Variants in WASHC4 observed in about 807,000 individuals in gnomAD.
WASHC4 encodes WASH complex subunit 7.
In WASHC4, 86 loss-of-function variants were observed where a neutral mutation model predicts 166.6. That is an observed-to-expected ratio of 0.52 (90% CI 0.43 to 0.62). The LOEUF (loss-of-function observed/expected upper bound fraction) is 0.62. Ranked by LOEUF, WASHC4 falls within the 20% of genes least tolerant of loss-of-function variation. The pLI is 0.00. For synonymous variants in WASHC4, 446 were observed against 451.6 expected (o/e 0.99, Z 0.16); for missense variants, 1,262 against 1,382.4 (o/e 0.91, Z 1.38).
chr12:105,126,172 T>G (rs748142133), intron 11 of WASHC4, 45 bp downstream of exon 11: 1 of 1,612,764 alleles, frequency 6.2e-7, no homozygotes, highest in Non-Finnish European at 8.5e-7. Flanking sequence ...AAAATTTGCA[T>G]TTCCTTAAAA....
chr12:105,156,265 A>G (rs1237206360), intron 26 of WASHC4, among the ~76,000 whole-genome samples: 2 of 152,210 alleles, frequency 1.3e-5, no homozygotes, highest in Admixed American at 1.3e-4. Context: ...TATTAGACAT[A>G]AAAGTGTAGG....
In WASHC4 at chr12:105,142,303, G is replaced by C. The variant is rs1370748252; in HGVS notation, c.1788-150G>C. On this transcript the variant is annotated intron_variant, in intron 18 of 32. Transcript: ENST00000332180. The stretch of plus-strand genomic sequence containing the variant: ...GTTTCATTTTGATAGTATTTCTTTT[G>C]TGACTTTTCTATACTATGTTGGGTT... 2.6e-5 allele frequency: 16 copies of C among 622,330 alleles called. No individual in the cohort carries two copies. In the South Asian group the frequency reaches 2.9e-4, roughly 11 times the overall value. The allele number at this position is 622,330 out of a possible 1,614,324, so 38.6% of individuals were successfully genotyped here.
At chr12:105,133,679 A>T (rs533930338) in intron 13 of WASHC4, 91 bp from the exon 14 acceptor site, 2 of 1,064,712 alleles carry the variant, frequency 1.9e-6, no homozygotes, top group Non-Finnish European at 2.9e-6. Context: ...AGATGAAATG[A>T]CTGCTGCAGG....
At chr12:105,120,170 A>G (rs756763610) in intron 7 of WASHC4, among the ~76,000 whole-genome samples, 1 of 152,258 alleles carries the variant, frequency 6.6e-6, no homozygotes, top group Non-Finnish European at 1.5e-5. Flanking sequence ...CTAATAGTTT[A>G]GAAAGATATG....
rs747368549 is a variant in WASHC4 at position 105,140,304 on chromosome 12, A to T, written c.1463A>T (p.His488Leu). 1 of 1,611,102 alleles carries T rather than the reference A, an allele frequency of 6.2e-7. No homozygotes were observed. Among genetic ancestry groups the T allele is most frequent in the South Asian group, 1.1e-5 (1 of 91,010 alleles). ...TCTGATTCTTTTTAGGCAATAGAGC[A>T]TATGTTCTACAGGAGAAGCATGGTT... ...RLVELLKAIE[H>L]MFYRRSMVVA... Residue 488 changes from histidine (H) to leucine (L), a missense_variant, in exon 16 of 33, where the codon CAT becomes CTT. His to Leu is a moderately conservative substitution (Grantham distance 99). Transcript: ENST00000332180.
chr12:105,157,432 A>G, intron 28 of WASHC4, 110 bp downstream of exon 28: 2 of 654,974 alleles, frequency 3.1e-6, no homozygotes, highest in African/African-American at 1.8e-5. Context: ...ATACAAAATT[A>G]TGGCCTCAGT....
intron 22 of WASHC4, among the ~76,000 whole-genome samples, chr12:105,145,951 G>A (rs1883257944): frequency 6.6e-6 from 1 of 152,086 alleles, no homozygotes; most frequent in Non-Finnish European, 1.5e-5. Flanking sequence ...TAGCTATTTT[G>A]CCTCAGAGAA....
chr12:105,118,675 C>T (rs1880422020), intron 7 of WASHC4, 147 bp downstream of exon 7: 5 of 684,078 alleles, frequency 7.3e-6, no homozygotes, highest in East Asian at 2.7e-5. Flanking sequence ...GTGTATCATA[C>T]GTAGGTTAGT....
At chr12:105,148,283 G>A (rs1883475642) in intron 24 of WASHC4, 1 of 985,200 alleles carries the variant, frequency 1.0e-6, no homozygotes, top group South Asian at 4.7e-5. Flanking sequence ...GATCATGTTT[G>A]TACCTTTGAG....
intron 2 of WASHC4, 147 bp downstream of exon 2, chr12:105,111,411 T>C: frequency 1.6e-6 from 1 of 610,418 alleles, no homozygotes; most frequent in Non-Finnish European, 2.8e-6. Flanking sequence ...TTTCCTTTTC[T>C]CTAAGCCATG....
chr12:105,149,155 A>C (rs930627982), intron 24 of WASHC4: 65 of 985,280 alleles, frequency 6.6e-5, no homozygotes, highest in Non-Finnish European at 7.5e-5. Flanking sequence ...ATATTTATGG[A>C]TAGATAATTG....
intron 18 of WASHC4, among the ~76,000 whole-genome samples, chr12:105,142,155 C>T (rs912475786): frequency 1.3e-5 from 2 of 151,712 alleles, no homozygotes; most frequent in Non-Finnish European, 1.5e-5. Flanking sequence ...CAAAAATGGT[C>T]AATAAATGTT....
rs147899210 is a variant in WASHC4 at position 105,116,864 on chromosome 12, G to C, written c.435+1136G>C. On this transcript the variant is annotated intron_variant, in intron 6 of 32. Coordinates refer to ENST00000332180, the MANE Select transcript of WASHC4 (RefSeq NM_015275.3). ...TCCTTTACATCCAGAGAACAAAAAG[G>C]ATAAAGATTGGGATTGCCAGGATCT... is the stretch of plus-strand genomic sequence containing the variant. 6.0e-3 allele frequency among the ~76,000 whole-genome samples: 911 copies of C among 152,268 alleles called. 20 individuals are homozygous for C. Among genetic ancestry groups the C allele is most frequent in the African/African-American group, 0.021 (861 of 41,562 alleles).
intron 14 of WASHC4, among the ~76,000 whole-genome samples, chr12:105,135,064 G>A (rs1351712200): frequency 1.3e-5 from 2 of 151,768 alleles, no homozygotes. Context: ...CTTTCCTGAC[G>A]GTATAAGGAT....
intron 30 of WASHC4, among the ~76,000 whole-genome samples, chr12:105,163,150 G>A (rs560469880): frequency 2.0e-5 from 3 of 152,048 alleles, no homozygotes; most frequent in African/African-American, 7.2e-5. Context: ...AGTAGAGACG[G>A]GGTTTCACTG....
intron 30 of WASHC4, 111 bp from the exon 31 acceptor site, chr12:105,164,000 A>G: frequency 1.0e-6 from 1 of 978,066 alleles, no homozygotes; most frequent in Non-Finnish European, 1.6e-6. Context: ...CAAACTTAAA[A>G]TGCTAGGAAT....
chr12:105,162,274 T>C (rs965484695), intron 29 of WASHC4, among the ~76,000 whole-genome samples: 2 of 152,124 alleles, frequency 1.3e-5, no homozygotes, highest in African/African-American at 4.8e-5. Context: ...TGAAAAGAAA[T>C]AGTATTTTCG....
rs752480949 is a variant in WASHC4 at position 105,140,992 on chromosome 12, A to G, written c.1654A>G (p.Thr552Ala). 3.1e-6 allele frequency: 5 copies of G among 1,614,206 alleles called. No homozygotes were observed. The highest frequency in any genetic ancestry group is 4.2e-6 in the Non-Finnish European group (5 of 1,180,032). The part of the protein sequence containing the change: ...LAENTLNGPS[T>A]KQRRLIVSLA... ...TGAAAACACTCTAAATGGACCAAGCACAAAGCAACGGCGACTTATTGTTTC... is the reference window on the plus strand; with the variant it reads ...TGAAAACACTCTAAATGGACCAAGCGCAAAGCAACGGCGACTTATTGTTTC... The change falls in exon 17 of 33, where the codon ACA becomes GCA. Residue 552 changes from threonine (T) to alanine (A), a missense_variant. Thr to Ala is a moderately conservative substitution (Grantham distance 58). Transcript: ENST00000332180.
chr12:105,143,030 C>G, intron 19 of WASHC4, 97 bp from the exon 20 acceptor site: 1 of 756,540 alleles, frequency 1.3e-6, no homozygotes, highest in South Asian at 1.5e-5. Context: ...TCCTTCAGAT[C>G]GAGGTTTTGT....
Sources: gnomAD v4.1 joint callset for allele counts (sites outside exome capture counted in the v4.1 genomes callset) on GRCh38, gnomAD v4.1.1 for gene constraint, MANE v1.5 for transcripts, NCBI Gene and HGNC (gene_info 2026-07-23, HGNC 2026-07-21) for gene names.